Variants in RBM47 observed in about 807,000 individuals in gnomAD.
The protein encoded by RBM47 is RNA-binding protein 47.
Under a neutral mutation model 47.1 loss-of-function variants are expected in RBM47, and 21 were observed. The observed-to-expected ratio is 0.45, with a 90% CI of 0.32 to 0.64. RBM47 has a LOEUF of 0.64. RBM47 is among the 30% of genes least tolerant of loss of function. RBM47 has a pLI of 0.05. For missense variants in RBM47, 708 were observed against 870.9 expected (o/e 0.81, Z 2.35); for synonymous variants, 375 against 361.7 (o/e 1.04, Z -0.42).
At chr4:40,610,527 G>A (rs567690462) in intron 1 of RBM47, among the ~76,000 whole-genome samples, 3 of 149,660 alleles carry the variant, frequency 2.0e-5, no homozygotes, top group Non-Finnish European at 3.0e-5. Context: ...AGCAAATGGC[G>A]TGAACCCGGG....
chr4:40,603,614 T>C (rs748783991), intron 1 of RBM47, among the ~76,000 whole-genome samples: 23 of 151,610 alleles, frequency 1.5e-4, no homozygotes, highest in Non-Finnish European at 3.1e-4. Flanking sequence ...CTCTCTCTCT[T>C]TTTTTTGAGA....
At chr4:40,540,605 T>C (rs1169471597) in intron 2 of RBM47, among the ~76,000 whole-genome samples, 1 of 143,434 alleles carries the variant, frequency 7.0e-6, no homozygotes, top group African/African-American at 2.6e-5. Context: ...CGCCATTGAC[T>C]CCAGCCTAGG....
chr4:40,518,840 TTG>T (rs906400304), intron 2 of RBM47, among the ~76,000 whole-genome samples: 1 of 151,972 alleles, frequency 6.6e-6, no homozygotes, highest in African/African-American at 2.4e-5. Flanking sequence ...GCTTATGAAT[TTG>T]TGTTGGGCCA....
At chr4:40,579,657 C>T (rs958285714) in intron 1 of RBM47, among the ~76,000 whole-genome samples, 4 of 151,946 alleles carry the variant, frequency 2.6e-5, no homozygotes, top group East Asian at 1.9e-4. Context: ...TCTCCATACA[C>T]GAGTCAATCT....
intron 1 of RBM47, among the ~76,000 whole-genome samples, chr4:40,554,713 C>A (rs573474583): frequency 6.6e-6 from 1 of 151,864 alleles, no homozygotes; most frequent in East Asian, 1.9e-4. Flanking sequence ...CAAAATCCGA[C>A]GCTCTAGTTC....
At chr4:40,494,839 A>G (rs1211043629) in intron 2 of RBM47, among the ~76,000 whole-genome samples, 1 of 152,236 alleles carries the variant, frequency 6.6e-6, no homozygotes, top group African/African-American at 2.4e-5. Flanking sequence ...CACAGAAAAC[A>G]TATAGAGAAA....
At chr4:40,474,953 T>G (rs1719398727) in intron 2 of RBM47, among the ~76,000 whole-genome samples, 1 of 152,214 alleles carries the variant, frequency 6.6e-6, no homozygotes, top group Non-Finnish European at 1.5e-5. Context: ...GCTATTCAAA[T>G]TGCTCCACTG....
upstream of RBM47, chr4:40,630,799 G>C (rs927111914): frequency 6.6e-6 from 1 of 152,108 alleles, no homozygotes; most frequent in Non-Finnish European, 1.5e-5. Context: ...AAGAGTTAAG[G>C]AGCCTCCCGC....
At chr4:40,597,061 C>G (rs570921795) in intron 1 of RBM47, among the ~76,000 whole-genome samples, 1 of 152,186 alleles carries the variant, frequency 6.6e-6, no homozygotes, top group African/African-American at 2.4e-5. Context: ...GAGATTGACA[C>G]CATCCTGGCT....
At chr4:40,437,558 A>T (rs1712839323) in intron 4 of RBM47, among the ~76,000 whole-genome samples, 1 of 152,066 alleles carries the variant, frequency 6.6e-6, no homozygotes, top group Non-Finnish European at 1.5e-5. Flanking sequence ...TTTACCGCTC[A>T]CCCCAGAACG....
At position 40,436,641 on chromosome 4, in the gene RBM47, C is replaced by T. The variant is rs1488997291; in HGVS notation, c.1130G>A (p.Ser377Asn). The change falls in exon 5 of 7, where the codon AGC becomes AAC. Residue 377 changes from serine (S) to asparagine (N), a missense_variant. Ser to Asn is a conservative substitution (Grantham distance 46). Transcript: ENST00000295971. Reference sequence around the variant, plus strand: ...TGCACCTCGCCCTCGGCCTCTTATGCTGCCTGCTTGTAATAACAACACAAA... The same window carrying T: ...TGCACCTCGCCCTCGGCCTCTTATGTTGCCTGCTTGTAATAACAACACAAA... The part of the protein sequence containing the change: ...PNRDYFVKAG[S>N]IRGRGRGAAG... The T allele has an allele frequency of 6.2e-7, 1 of 1,613,726 alleles. No individual in the cohort carries two copies. Among genetic ancestry groups the T allele is most frequent in the Admixed American group, 1.7e-5 (1 of 59,992 alleles).
At chr4:40,503,928 T>C (rs1433661713) in intron 2 of RBM47, among the ~76,000 whole-genome samples, 1 of 152,070 alleles carries the variant, frequency 6.6e-6, no homozygotes, top group Non-Finnish European at 1.5e-5. Context: ...ATCCCAGCAC[T>C]TTGGGAGGCT....
At chr4:40,556,771 T>C (rs182174731) in intron 1 of RBM47, among the ~76,000 whole-genome samples, 101 of 152,136 alleles carry the variant, frequency 6.6e-4, no homozygotes, top group African/African-American at 2.3e-3. Flanking sequence ...ACGCCTGTAA[T>C]CCCAGCTACT....
intron 2 of RBM47, among the ~76,000 whole-genome samples, chr4:40,500,924 T>C (rs16852274): frequency 0.28 from 42,992 of 152,022 alleles, 6,179 homozygotes; most frequent in Non-Finnish European, 0.3. Flanking sequence ...CTATCACGTC[T>C]CTTACTCAGG....
intron 2 of RBM47, among the ~76,000 whole-genome samples, chr4:40,533,524 A>G (rs1313419372): frequency 6.6e-6 from 1 of 152,134 alleles, no homozygotes; most frequent in African/African-American, 2.4e-5. Flanking sequence ...AATAAGCAAA[A>G]GTTTACACCA....
intron 6 of RBM47, among the ~76,000 whole-genome samples, chr4:40,431,754 A>AC (rs570553912): frequency 0.76 from 115,306 of 151,656 alleles, 44,117 homozygotes; most frequent in East Asian, 0.9. Context: ...TACACTATGA[A>AC]AAAGGTGGGG....
At chr4:40,431,670 A>AG (rs1716085763) in intron 6 of RBM47, among the ~76,000 whole-genome samples, 3 of 99,574 alleles carry the variant, frequency 3.0e-5, no homozygotes, top group South Asian at 5.0e-4. Context: ...AAAAAAAAAA[A>AG]AAGAGAGAGA....
At chr4:40,504,532 A>C (rs554477523) in intron 2 of RBM47, among the ~76,000 whole-genome samples, 28 of 152,034 alleles carry the variant, frequency 1.8e-4, no homozygotes, top group African/African-American at 6.8e-4. Context: ...ACCTCAAGTG[A>C]TCCACCCGCC....
chr4:40,537,221 C>T (rs1728073628), intron 2 of RBM47, among the ~76,000 whole-genome samples: 1 of 151,684 alleles, frequency 6.6e-6, no homozygotes, highest in African/African-American at 2.4e-5. Flanking sequence ...AAGCAATCGT[C>T]CCACCTCAGC....
Sources: gnomAD v4.1 joint callset for allele counts (sites outside exome capture counted in the v4.1 genomes callset) on GRCh38, gnomAD v4.1.1 for gene constraint, MANE v1.5 for transcripts, NCBI Gene and HGNC (gene_info 2026-07-23, HGNC 2026-07-21) for gene names.